Variants in JMJD1C observed in about 807,000 individuals in gnomAD.
JMJD1C encodes the protein jumonji domain containing 1C, also known as jumonji domain-containing protein 1C.
JMJD1C carries 31 observed loss-of-function variants against 245.3 expected under a neutral mutation model. That is an observed-to-expected ratio of 0.13 (90% CI 0.09 to 0.17). JMJD1C has a LOEUF of 0.17. Among genes scored for constraint, JMJD1C ranks in the 10% least tolerant of loss-of-function variants. The pLI, the probability that JMJD1C is intolerant of heterozygous loss-of-function variation, is 1.00. For synonymous variants in JMJD1C, 1,057 were observed against 1,017.4 expected (o/e 1.04, Z -0.74); for missense variants, 2,691 against 3,000.2 (o/e 0.90, Z 2.41).
chr10:63,444,401 G>A (rs1209483253), intron 1 of JMJD1C, among the ~76,000 whole-genome samples: 1 of 151,878 alleles, frequency 6.6e-6, no homozygotes, highest in Non-Finnish European at 1.5e-5. Context: ...AGCCTCCCGA[G>A]TAGCTAGGAT....
chr10:63,176,822 C>A (rs1255759118), intron 23 of JMJD1C: 5 of 143,704 alleles, frequency 3.5e-5, no homozygotes, highest in South Asian at 2.1e-4. Flanking sequence ...TTTTTTTTTA[C>A]CAAAAGCCAA....
intron 1 of JMJD1C, among the ~76,000 whole-genome samples, chr10:63,426,335 C>G (rs1950437255): frequency 6.6e-6 from 1 of 151,820 alleles, no homozygotes; most frequent in African/African-American, 2.4e-5. Context: ...TAAGTCTGGG[C>G]TACAGAGCAA....
chr10:63,442,758 G>A (rs918248396), intron 1 of JMJD1C, among the ~76,000 whole-genome samples: 2 of 152,150 alleles, frequency 1.3e-5, no homozygotes, highest in African/African-American at 4.8e-5. Flanking sequence ...TCCTGTCATA[G>A]AAAGTATAAC....
chr10:63,183,003 A>G (rs1054275295), intron 22 of JMJD1C, among the ~76,000 whole-genome samples: 4 of 152,126 alleles, frequency 2.6e-5, no homozygotes, highest in Non-Finnish European at 5.9e-5. Context: ...CTGAGATTAC[A>G]GGCATGCACC....
At chr10:63,417,684 A>T (rs1163214583) in intron 1 of JMJD1C, among the ~76,000 whole-genome samples, 1 of 152,208 alleles carries the variant, frequency 6.6e-6, no homozygotes, top group Non-Finnish European at 1.5e-5. Flanking sequence ...TGATTATGCT[A>T]TATTCTACAG....
intron 1 of JMJD1C, among the ~76,000 whole-genome samples, chr10:63,432,411 G>T (rs1950812902): frequency 6.9e-6 from 1 of 145,760 alleles, no homozygotes; most frequent in Non-Finnish European, 1.5e-5. Context: ...CACTGGACTT[G>T]TCATCCACCA....
chr10:63,497,228 A>C (rs1954392370), intron 1 of JMJD1C, among the ~76,000 whole-genome samples: 1 of 152,148 alleles, frequency 6.6e-6, no homozygotes, highest in Admixed American at 6.5e-5. Context: ...ATTTGTACAT[A>C]TATGTTCACA....
In JMJD1C at chr10:63,215,273, T is replaced by A. The variant is rs370953838; in HGVS notation, c.1005A>T (p.Ile335=). 1 of 1,613,294 alleles carries A rather than the reference T, an allele frequency of 6.2e-7. No individual in the cohort carries two copies. Among genetic ancestry groups the A allele is most frequent in the African/African-American group, 1.3e-5 (1 of 74,892 alleles). The change falls in exon 7 of 26, where the codon ATA becomes ATT. Residue 335 remains isoleucine (I), a synonymous_variant. Transcript: ENST00000399262. ...AAAAGTGGGTCCTACCTCCTCGTGA[T>A]ATATAATCATATTTTTCCTCCTTCA... ...EKMKEEKYDY[I]SRGENPKGKN...
At chr10:63,420,714 CAAAAAAA>C (rs35090799) in intron 1 of JMJD1C, among the ~76,000 whole-genome samples, 3 of 47,720 alleles carry the variant, frequency 6.3e-5, no homozygotes, top group African/African-American at 1.8e-4. Flanking sequence ...GACCCAGTCT[CAAAAAAA>C]AAAAAAAAAA....
chr10:63,521,342 C>G (rs1379075254), intron 1 of JMJD1C: 1 of 146,986 alleles, frequency 6.8e-6, no homozygotes, highest in African/African-American at 2.4e-5. Context: ...GGCCGGCGGG[C>G]GGGGGCGGGC....
chr10:63,299,277 G>A (rs1043608067), intron 2 of JMJD1C, among the ~76,000 whole-genome samples: 1 of 151,922 alleles, frequency 6.6e-6, no homozygotes, highest in Non-Finnish European at 1.5e-5. Context: ...TACCTCCTGG[G>A]TTCAAGCGAT....
intron 2 of JMJD1C, among the ~76,000 whole-genome samples, chr10:63,339,096 C>G (rs945429892): frequency 6.6e-6 from 1 of 152,302 alleles, no homozygotes. Flanking sequence ...TATTACCATT[C>G]TACAAGCTGG....
At chr10:63,465,439 C>G (rs1953158802) in intron 1 of JMJD1C, 56 bp downstream of exon 1, 1 of 1,499,624 alleles carries the variant, frequency 6.7e-7, no homozygotes, top group African/African-American at 1.4e-5. Context: ...CAAGGTACGT[C>G]TGCGAGAGCC....
chr10:63,507,561 C>A (rs1954756491), intron 1 of JMJD1C, among the ~76,000 whole-genome samples: 1 of 140,880 alleles, frequency 7.1e-6, no homozygotes, highest in Non-Finnish European at 1.5e-5. Flanking sequence ...AGGAGAATCA[C>A]TTGAACCCGG....
chr10:63,340,595 T>G (rs1009687301), intron 2 of JMJD1C, among the ~76,000 whole-genome samples: 1 of 152,178 alleles, frequency 6.6e-6, no homozygotes, highest in African/African-American at 2.4e-5. Flanking sequence ...CTGTAACATG[T>G]CTTACAAAAC....
chr10:63,475,948 C>T (rs932863619), intron 1 of JMJD1C, among the ~76,000 whole-genome samples: 1 of 152,108 alleles, frequency 6.6e-6, no homozygotes, highest in African/African-American at 2.4e-5. Flanking sequence ...GTGGCTCACA[C>T]CTGTAATCCC....
At chr10:63,343,376 A>AT (rs200743791) in intron 2 of JMJD1C, among the ~76,000 whole-genome samples, 2 of 147,836 alleles carry the variant, frequency 1.4e-5, no homozygotes, top group African/African-American at 2.5e-5. Context: ...CAAAAAAAAA[A>AT]CAAAAAAAAA....
intron 3 of JMJD1C, among the ~76,000 whole-genome samples, chr10:63,256,908 C>T (rs532355263): frequency 1.4e-4 from 21 of 152,072 alleles, no homozygotes; most frequent in Non-Finnish European, 2.1e-4. Context: ...ATGTGTTCGA[C>T]GCCTGTCAAA....
chr10:63,212,733 C>A (rs1458780359), intron 8 of JMJD1C, among the ~76,000 whole-genome samples: 1 of 151,708 alleles, frequency 6.6e-6, no homozygotes, highest in African/African-American at 2.4e-5. Context: ...TTTTTAAGAA[C>A]AATTTGATAA....
Sources: gnomAD v4.1 joint callset for allele counts (sites outside exome capture counted in the v4.1 genomes callset) on GRCh38, gnomAD v4.1.1 for gene constraint, MANE v1.5 for transcripts, NCBI Gene and HGNC (gene_info 2026-07-23, HGNC 2026-07-21) for gene names.